NUP93: variants seen among roughly 807,000 people sequenced by gnomAD.
NUP93 encodes the protein nucleoporin 93, also known as nuclear pore complex protein Nup93.
Under a neutral mutation model 107.8 loss-of-function variants are expected in NUP93, and 55 were observed. The observed-to-expected ratio is 0.51, with a 90% confidence interval of 0.41 to 0.64. The LOEUF (loss-of-function observed/expected upper bound fraction) is 0.64. Among genes scored for constraint, NUP93 ranks in the 30% least tolerant of loss-of-function variants. NUP93 has a pLI of 0.00. For missense variants in NUP93, 937 were observed against 1,044.7 expected, an observed-to-expected ratio of 0.90 and a Z score of 1.42; for synonymous variants, 390 against 397.5, an observed-to-expected ratio of 0.98 and a Z score of 0.22.
At chr16:56,799,467 C>A (rs1411866507) in intron 4 of NUP93, among the ~76,000 whole-genome samples, 3 of 152,164 alleles carry the variant, frequency 2.0e-5, no homozygotes, top group Non-Finnish European at 4.4e-5. Flanking sequence ...TCCATAACAT[C>A]CCATTATAGT....
intron 3 of NUP93, among the ~76,000 whole-genome samples, chr16:56,786,833 T>G (rs1428384831): frequency 1.3e-5 from 2 of 152,192 alleles, no homozygotes; most frequent in Non-Finnish European, 2.9e-5. Flanking sequence ...GGGCAGAGTC[T>G]CCCCTTCTCC....
intron 3 of NUP93, among the ~76,000 whole-genome samples, chr16:56,761,462 T>C (rs1962124686): frequency 6.6e-6 from 1 of 151,670 alleles, no homozygotes. Flanking sequence ...TTCGATGGAC[T>C]TTTTTTTTCA....
At chr16:56,834,880 A>G (rs1963879645) in intron 16 of NUP93, 102 bp downstream of exon 16, 7 of 953,502 alleles carry the variant, frequency 7.3e-6, no homozygotes, top group Non-Finnish European at 1.1e-5. Context: ...CTAAAGATGC[A>G]AATCTGAACA....
intron 16 of NUP93, among the ~76,000 whole-genome samples, chr16:56,835,280 C>A (rs769559017): frequency 2.0e-5 from 3 of 152,202 alleles, no homozygotes; most frequent in Non-Finnish European, 4.4e-5. Context: ...GCAGGAGGGT[C>A]AGAGATCCTG....
chr16:56,764,644 ATGTT>A (rs1322985279), intron 3 of NUP93, among the ~76,000 whole-genome samples: 1 of 152,172 alleles, frequency 6.6e-6, no homozygotes, highest in East Asian at 1.9e-4. Flanking sequence ...CACTAATTGG[ATGTT>A]TGTAGTACTG....
chr16:56,750,757 C>T (rs561541010), intron 2 of NUP93, among the ~76,000 whole-genome samples: 10 of 152,136 alleles, frequency 6.6e-5, no homozygotes, highest in Non-Finnish European at 1.5e-4. Flanking sequence ...ATCATGTGCC[C>T]TGCAAAGCCT....
chr16:56,820,962 A>G (rs948242525), intron 6 of NUP93, among the ~76,000 whole-genome samples: 5 of 152,192 alleles, frequency 3.3e-5, no homozygotes, highest in African/African-American at 1.2e-4. Context: ...GCTTTCCCAT[A>G]CCTTAAATAT....
chr16:56,763,289 A>G lies in NUP93; in HGVS notation c.297+4634A>G, dbSNP rs544262889. On this transcript the variant is annotated intron_variant, in intron 3 of 21. Transcript: ENST00000308159. Reference sequence around the variant, plus strand: ...CTTTGGGAAATGAGGGTGACTACTTATATCTGATTTCAGAATTTAATAGTA... The same window carrying G: ...CTTTGGGAAATGAGGGTGACTACTTGTATCTGATTTCAGAATTTAATAGTA... 6.0e-4 allele frequency among the ~76,000 whole-genome samples: 91 copies of G among 152,284 alleles called. 2 individuals are homozygous for G. The highest frequency in any genetic ancestry group is 5.5e-3 in the Admixed American group (84 of 15,282).
intron 17 of NUP93, 32 bp from the exon 18 acceptor site, chr16:56,837,566 TTACTTTATTG>T: frequency 8.8e-7 from 1 of 1,136,546 alleles, no homozygotes; most frequent in Non-Finnish European, 1.2e-6. Flanking sequence ...CTTTTATTGA[TTACTTTATTG>T]ATTGCTTCCT....
chr16:56,759,576 A>G (rs138292647), intron 3 of NUP93, among the ~76,000 whole-genome samples: 130 of 152,342 alleles, frequency 8.5e-4, no homozygotes, highest in African/African-American at 3.1e-3. Context: ...TATGTTCCCA[A>G]AGTATGAGAA....
chr16:56,768,557 C>G (rs376373909), intron 3 of NUP93, among the ~76,000 whole-genome samples: 2 of 148,736 alleles, frequency 1.3e-5, no homozygotes, highest in African/African-American at 5.0e-5. Context: ...AAGCAAAACT[C>G]TGTCTCAAAA....
At chr16:56,827,403 G>A (rs1318511104) in intron 8 of NUP93, among the ~76,000 whole-genome samples, 6 of 152,182 alleles carry the variant, frequency 3.9e-5, no homozygotes, top group Admixed American at 1.3e-4. Flanking sequence ...AAGTAAAACC[G>A]TTGAGTAAAA....
chr16:56,774,096 G>A (rs1962369302), intron 3 of NUP93, among the ~76,000 whole-genome samples: 1 of 152,164 alleles, frequency 6.6e-6, no homozygotes, highest in South Asian at 2.1e-4. Context: ...GAGCCCAGAG[G>A]AGAATAAAGA....
Position 56,844,770 on chromosome 16 carries a change from T to C in NUP93, c.*161T>C. The C allele has an allele frequency of 2.5e-6, 1 of 405,574 alleles. No individual in the cohort carries two copies. Among genetic ancestry groups the C allele is most frequent in the Non-Finnish European group, 4.3e-6 (1 of 231,804 alleles). The allele number at this position is 405,574 out of a possible 1,614,324, so 25.1% of individuals were successfully genotyped here. ...AATAAATTTCTTTGATTTGTATTTC[T>C]TTTCAACATTCTTTTATTTTCTTTT... is the stretch of plus-strand genomic sequence containing the variant. On this transcript the variant is annotated 3_prime_UTR_variant, in exon 22 of 22. Transcript: ENST00000308159.
At chr16:56,790,025 A>T (rs1355443724) in intron 3 of NUP93, among the ~76,000 whole-genome samples, 1 of 152,174 alleles carries the variant, frequency 6.6e-6, no homozygotes. Flanking sequence ...TGAACCTGGG[A>T]GGCAGAGGTT....
At chr16:56,731,497 T>A (rs1668378029) in intron 1 of NUP93, among the ~76,000 whole-genome samples, 1 of 151,482 alleles carries the variant, frequency 6.6e-6, no homozygotes, top group Non-Finnish European at 1.5e-5. Flanking sequence ...AACCTCTGCC[T>A]CCCAGGCTCA....
chr16:56,809,141 A>C (rs527245495), intron 5 of NUP93, among the ~76,000 whole-genome samples: 1 of 152,266 alleles, frequency 6.6e-6, no homozygotes, highest in East Asian at 1.9e-4. Flanking sequence ...GGAGCAGCAA[A>C]AAAGATTGTC....
intron 3 of NUP93, among the ~76,000 whole-genome samples, chr16:56,760,500 G>A (rs760749344): frequency 6.6e-6 from 1 of 152,088 alleles, no homozygotes; most frequent in Non-Finnish European, 1.5e-5. Context: ...GCCTCAGGGA[G>A]CTTTTACTCA....
chr16:56,820,362 T>G (rs1723536954), intron 6 of NUP93, among the ~76,000 whole-genome samples: 4 of 152,218 alleles, frequency 2.6e-5, no homozygotes. Flanking sequence ...CAGGCTGGAG[T>G]GCAGTGGTGC....
Sources: gnomAD v4.1 joint callset for allele counts (sites outside exome capture counted in the v4.1 genomes callset) on GRCh38, gnomAD v4.1.1 for gene constraint, MANE v1.5 for transcripts, NCBI Gene and HGNC (gene_info 2026-07-23, HGNC 2026-07-21) for gene names.